Variants in TTLL4 observed in about 807,000 individuals in gnomAD.
TTLL4 encodes the protein tubulin monoglutamylase TTLL4.
A neutral mutation model predicts 122.7 loss-of-function variants in TTLL4; 85 were observed. The ratio of observed to expected loss-of-function variants is 0.69; its 90% CI spans 0.58 to 0.83. The LOEUF is 0.83. Ranked by LOEUF, TTLL4 falls within the 40% of genes least tolerant of loss-of-function variation. TTLL4 has a pLI of 0.00. For synonymous variants in TTLL4, 553 were observed against 563.0 expected (o/e 0.98, Z 0.25); for missense variants, 1,363 against 1,488.6 (o/e 0.92, Z 1.39).
At chr2:218,745,557 C>A in intron 6 of TTLL4, 134 bp from the exon 7 acceptor site, 2 of 688,852 alleles carry the variant, frequency 2.9e-6, no homozygotes, top group African/African-American at 1.8e-5. Flanking sequence ...CCTCTGAAAC[C>A]CTGATCTGGA....
intron 2 of TTLL4, among the ~76,000 whole-genome samples, chr2:218,734,917 G>T (rs1942475950): frequency 6.6e-6 from 1 of 152,166 alleles, no homozygotes; most frequent in Non-Finnish European, 1.5e-5. Context: ...TCCAAGCACG[G>T]TATTTCCATA....
At chr2:218,726,686 C>T (rs567793732) in intron 1 of TTLL4, among the ~76,000 whole-genome samples, 89 of 152,258 alleles carry the variant, frequency 5.8e-4, no homozygotes, top group Middle Eastern at 3.4e-3. Flanking sequence ...AGGCTGGTCT[C>T]GAACTCCTGG....
chr2:218,756,662 T>G (rs929298033), downstream of TTLL4, among the ~76,000 whole-genome samples: 2 of 152,202 alleles, frequency 1.3e-5, no homozygotes, highest in African/African-American at 4.8e-5. Flanking sequence ...GGAATGAGAT[T>G]TTTTTGGGAA....
chr2:218,738,691 G>A lies in TTLL4; in HGVS notation c.1015G>A (p.Ala339Thr). ...AACTAAGGAGATTCGGTTCACTGAG[G>A]CCGTGAGGAAATTGACCGCAAGAGG... Reference protein sequence around the residue: ...DPTKEIRFTEAVRKLTARGFE... With the variant: ...DPTKEIRFTETVRKLTARGFE... The change falls in exon 3 of 20, where the codon GCC (alanine) becomes ACC (threonine). Residue 339 changes from alanine (A) to threonine (T), a missense_variant. By Grantham distance (58) the Ala-to-Thr change is moderately conservative (BLOSUM62 0). This residue lies in a region of TTLL4 where 760 missense variants were observed against 808.4 expected (regional missense o/e 0.94). Transcript: ENST00000392102. 6.2e-7 allele frequency: 1 copy of A among 1,614,204 alleles called. No homozygotes were observed. Among genetic ancestry groups the A allele is most frequent in the Non-Finnish European group, 8.5e-7 (1 of 1,180,034 alleles).
intron 1 of TTLL4, among the ~76,000 whole-genome samples, chr2:218,716,064 A>G (rs755362006): frequency 1.3e-4 from 20 of 152,238 alleles, no homozygotes; most frequent in Non-Finnish European, 1.2e-4. Context: ...AGTTTATTGT[A>G]TAGTGTCAAA....
rs1206026255 is a variant in TTLL4 at position 218,745,807 on chromosome 2, T to C, written c.1897+6T>C. 3.1e-6 allele frequency: 5 copies of C among 1,610,230 alleles called. No homozygotes were observed. The highest frequency in any genetic ancestry group is 4.2e-6 in the Non-Finnish European group (5 of 1,177,682). Reference sequence around the variant, plus strand: ...CCACTTCAAAATCAGCAAAAGTGAGTTGCTTGCCTTACTGTGAGCCTGTCC... The same window carrying C: ...CCACTTCAAAATCAGCAAAAGTGAGCTGCTTGCCTTACTGTGAGCCTGTCC... On this transcript the variant is annotated splice_donor_region_variant and intron_variant, in intron 7 of 19. Coordinates refer to ENST00000392102, the MANE Select transcript of TTLL4 (RefSeq NM_014640.5).
chr2:218,758,747 A>G (rs974873579), downstream of TTLL4, among the ~76,000 whole-genome samples: 4 of 152,382 alleles, frequency 2.6e-5, no homozygotes, highest in South Asian at 8.3e-4. Flanking sequence ...GGAATGCAAA[A>G]TGATGCACTG....
At chr2:218,717,073 C>G (rs1252564811) in intron 1 of TTLL4, among the ~76,000 whole-genome samples, 2 of 152,012 alleles carry the variant, frequency 1.3e-5, no homozygotes, top group Admixed American at 6.6e-5. Context: ...TCTCCACCCC[C>G]CAGGCTCAGG....
At position 218,744,961 on chromosome 2, in the gene TTLL4, C is replaced by T. The variant is rs550967327; in HGVS notation, c.1662-148C>T. ...CTAGTACCTTATGGATTAATATGTA[C>T]AAAATAATTATTAATTATTGAGCAC... On this transcript the variant is annotated intron_variant, in intron 5 of 19. Coordinates refer to ENST00000392102, the MANE Select transcript of TTLL4 (RefSeq NM_014640.5). 2,088 of 1,081,828 alleles carry T rather than the reference C, an allele frequency of 1.9e-3. 59 individuals are homozygous for T. The South Asian group carries it at 0.033, about 17-fold the overall frequency. The allele number at this position is 1,081,828 out of a possible 1,614,324, so 67.0% of individuals were successfully genotyped here.
chr2:218,716,353 A>G (rs1330410964), intron 1 of TTLL4, among the ~76,000 whole-genome samples: 3 of 152,238 alleles, frequency 2.0e-5, no homozygotes, highest in African/African-American at 7.2e-5. Flanking sequence ...AAATCCTGCA[A>G]TTCAGACAAT....
At position 218,748,094 on chromosome 2, in the gene TTLL4, C is replaced by A; in HGVS notation, c.2379-11C>A. On this transcript the variant is annotated splice_polypyrimidine_tract_variant and intron_variant, in intron 11 of 19. Transcript: ENST00000392102. ...CCATCTTACCTCTGCCTTTTGTTTC[C>A]TTACTTCCAGGTATTCGCCTTCCAT... The A allele has an allele frequency of 1.9e-6, 3 of 1,614,080 alleles. No homozygotes were observed. The highest frequency in any genetic ancestry group is 2.5e-6 in the Non-Finnish European group (3 of 1,179,990).
At chr2:218,755,844 C>T (rs929435862), downstream of TTLL4, among the ~76,000 whole-genome samples, 1 of 151,978 alleles carries the variant, frequency 6.6e-6, no homozygotes, top group Non-Finnish European at 1.5e-5. Flanking sequence ...TGGGGTGGGG[C>T]CCTGGAAAGA....
intron 2 of TTLL4, among the ~76,000 whole-genome samples, chr2:218,730,818 C>G (rs1245520743): frequency 6.6e-6 from 1 of 151,062 alleles, no homozygotes; most frequent in East Asian, 2.0e-4. Flanking sequence ...AGGTGTGCAC[C>G]ACCATGCCGG....
chr2:218,747,797 A>T lies in TTLL4; in HGVS notation c.2378+72A>T. ...TTTTCCTTGGAGGGAGGGAAACTAG[A>T]AGACACCAAACAGAAAAATAGTTTT... On this transcript the variant is annotated intron_variant, in intron 11 of 19. Coordinates refer to ENST00000392102, the MANE Select transcript of TTLL4 (RefSeq NM_014640.5). The surrounding 1 kb of genome is among the most constrained non-coding windows in gnomAD (Gnocchi z 4.7). The T allele has an allele frequency of 6.3e-7, 1 of 1,586,268 alleles. No homozygotes were observed. The highest frequency in any genetic ancestry group is 8.6e-7 in the Non-Finnish European group (1 of 1,162,540).
chr2:218,751,906 T>TTTA, intron 16 of TTLL4, 100 bp downstream of exon 16: 2 of 654,100 alleles, frequency 3.1e-6, no homozygotes, highest in African/African-American at 2.3e-5. Flanking sequence ...TTTCTTTTCT[T>TTTA]TTTCTTTTTT....
rs1238034318 is a variant in TTLL4 at position 218,739,206 on chromosome 2, T to C, written c.1487+43T>C. On this transcript the variant is annotated intron_variant, in intron 3 of 19. Coordinates refer to ENST00000392102, the MANE Select transcript of TTLL4 (RefSeq NM_014640.5). ...TTGGTTCATTTAGAGCAGTAGAATG[T>C]ATATACCATAATTTGGGGTGGCACC... 5 of 1,553,110 alleles carry C rather than the reference T, an allele frequency of 3.2e-6. No individual in the cohort carries two copies. The Admixed American group carries it at 9.6e-5, about 30-fold the overall frequency.
chr2:218,719,136 T>G (rs1559356812), intron 1 of TTLL4, among the ~76,000 whole-genome samples: 1 of 152,192 alleles, frequency 6.6e-6, no homozygotes, highest in Non-Finnish European at 1.5e-5. Flanking sequence ...CTAGGAAGAC[T>G]TAGTGTTCCA....
At chr2:218,746,421 T>C in intron 8 of TTLL4, 190 bp downstream of exon 8, 1 of 610,118 alleles carries the variant, frequency 1.6e-6, no homozygotes, top group Non-Finnish European at 2.9e-6. Flanking sequence ...CATCTCCAGT[T>C]CAGCTGCAGT....
At position 218,754,590 on chromosome 2, in the gene TTLL4, G is replaced by A. The variant is rs1240933696; in HGVS notation, c.*201G>A. ...AGTGATGGGGAGAAGGTGAGGAAGG[G>A]TCACCCTCTGTCACCTGTCTGCCTG... On this transcript the variant is annotated 3_prime_UTR_variant, in exon 20 of 20. Transcript: ENST00000392102. The A allele has an allele frequency of 1.6e-5, 11 of 676,764 alleles. No individual in the cohort carries two copies. Among genetic ancestry groups the A allele is most frequent in the Non-Finnish European group, 2.4e-5 (10 of 412,360 alleles). 41.9% of individuals were successfully genotyped at this position (676,764 alleles called of 1,614,324 possible). A position where few individuals can be genotyped will look rare whatever the true frequency, so the allele number is the denominator to read the frequency against.
Sources: allele counts gnomAD v4.1 joint callset (sites outside exome capture counted in the v4.1 genomes callset), GRCh38; gene constraint gnomAD v4.1.1; regional missense constraint gnomAD v4.1.1; non-coding constraint Gnocchi (gnomAD v3.1); transcripts MANE v1.5; gene names NCBI Gene and HGNC (gene_info 2026-07-23, HGNC 2026-07-21).